Variants in KCNQ5 observed in about 807,000 individuals in gnomAD.
KCNQ5 encodes potassium voltage-gated channel subfamily Q member 5.
In KCNQ5, 30 loss-of-function variants were observed where a neutral mutation model predicts 98.2. The observed-to-expected ratio is 0.31, with a 90% CI of 0.23 to 0.41. The LOEUF (loss-of-function observed/expected upper bound fraction) is 0.41. Among genes scored for constraint, KCNQ5 ranks in the 10% least tolerant of loss-of-function variants. The pLI is 1.00. For synonymous variants in KCNQ5, 458 were observed against 449.4 expected (o/e 1.02, Z -0.24); for missense variants, 835 against 1,182.5 (o/e 0.71, Z 4.31).
chr6:72,964,422 G>GT (rs1193947507), intron 1 of KCNQ5, among the ~76,000 whole-genome samples: 2 of 152,092 alleles, frequency 1.3e-5, no homozygotes, highest in African/African-American at 4.8e-5. Context: ...TTGTAATTCT[G>GT]TTTATTTGTT....
At chr6:72,868,140 A>G (rs1241741885) in intron 1 of KCNQ5, among the ~76,000 whole-genome samples, 1 of 152,058 alleles carries the variant, frequency 6.6e-6, no homozygotes, top group Non-Finnish European at 1.5e-5. Context: ...AAGGAGGTAA[A>G]TGTGGGCTGA....
chr6:73,154,641 T>C (rs1363411587), intron 10 of KCNQ5, among the ~76,000 whole-genome samples: 1 of 152,186 alleles, frequency 6.6e-6, no homozygotes, highest in East Asian at 1.9e-4. Flanking sequence ...AAAGTGGGCT[T>C]ACAGATTGCA....
chr6:73,106,816 T>A (rs1301356545), intron 6 of KCNQ5, among the ~76,000 whole-genome samples: 2 of 152,204 alleles, frequency 1.3e-5, no homozygotes, highest in African/African-American at 4.8e-5. Context: ...GGAGGAAGAA[T>A]TATTGAGCCC....
intron 1 of KCNQ5, among the ~76,000 whole-genome samples, chr6:72,771,073 T>G (rs912194049): frequency 6.6e-6 from 1 of 152,044 alleles, no homozygotes; most frequent in African/African-American, 2.4e-5. Context: ...GTTGCACATA[T>G]AGTGAAGGAG....
chr6:73,186,243 A>G (rs561263258), intron 11 of KCNQ5, among the ~76,000 whole-genome samples: 27 of 152,076 alleles, frequency 1.8e-4, no homozygotes, highest in Non-Finnish European at 3.4e-4. Flanking sequence ...AAAAAAGAGA[A>G]AAAGAAAGAC....
chr6:72,664,493 G>A (rs1269887442), intron 1 of KCNQ5, among the ~76,000 whole-genome samples: 2 of 151,512 alleles, frequency 1.3e-5, no homozygotes, highest in Admixed American at 1.3e-4. Flanking sequence ...GTCTCTACTA[G>A]AAAAAACAAA....
chr6:72,735,035 T>C (rs1385745905), intron 1 of KCNQ5, among the ~76,000 whole-genome samples: 1 of 152,210 alleles, frequency 6.6e-6, no homozygotes, highest in Non-Finnish European at 1.5e-5. Context: ...AGGAAGGCCA[T>C]TGGTTAGAAG....
intron 1 of KCNQ5, among the ~76,000 whole-genome samples, chr6:72,903,397 T>C (rs1332851360): frequency 6.6e-6 from 1 of 152,244 alleles, no homozygotes; most frequent in Admixed American, 6.5e-5. Context: ...TTCTTGTTTC[T>C]CTAGTTCCTT....
intron 1 of KCNQ5, among the ~76,000 whole-genome samples, chr6:72,872,567 G>A (rs1778253731): frequency 6.6e-6 from 1 of 152,056 alleles, no homozygotes; most frequent in African/African-American, 2.4e-5. Flanking sequence ...GCTCTGTTAG[G>A]CAGGTATCGT....
intron 1 of KCNQ5, among the ~76,000 whole-genome samples, chr6:72,831,378 A>C (rs938842351): frequency 1.3e-5 from 2 of 152,200 alleles, no homozygotes; most frequent in Admixed American, 1.3e-4. Context: ...GCACATATAC[A>C]CCATGGAATA....
chr6:72,645,217 A>AC lies in KCNQ5; in HGVS notation c.398+22630_398+22631insC, dbSNP rs960644838. 3.6e-4 allele frequency among the ~76,000 whole-genome samples: 53 copies of AC among 146,766 alleles called. 2 individuals are homozygous for AC. The highest frequency in any genetic ancestry group is 1.2e-3 in the African/African-American group (47 of 39,178). On this transcript the variant is annotated intron_variant, in intron 1 of 13. Transcript: ENST00000370398. ...AGACCTTGTCACCAAAAAAAAACAA[A>AC]AAAAAACAAAAAAAACATAGTAGCT... is the stretch of plus-strand genomic sequence containing the variant.
rs1007016630 is a variant in KCNQ5 at position 73,010,223 on chromosome 6, G to A, written c.489+6225G>A. On this transcript the variant is annotated intron_variant, in intron 2 of 13. Coordinates refer to ENST00000370398, the MANE Select transcript of KCNQ5 (RefSeq NM_019842.4). ...CACACAAAAATTGATCAGTGTTATA[G>A]GCCACATTAACAGAATGAAGGGAAG... 4.6e-5 allele frequency among the ~76,000 whole-genome samples: 7 copies of A among 151,994 alleles called. No homozygotes were observed. In the East Asian group the frequency reaches 1.2e-3, roughly 25 times the overall value.
chr6:73,077,932 G>A, intron 5 of KCNQ5, 45 bp downstream of exon 5: 2 of 1,458,524 alleles, frequency 1.4e-6, no homozygotes, highest in African/African-American at 1.4e-5. Context: ...GTTGTGAATT[G>A]TTTTTTTTTA....
intron 13 of KCNQ5, 150 bp from the exon 14 acceptor site, chr6:73,194,302 T>C (rs534788799): frequency 7.3e-6 from 5 of 686,992 alleles, no homozygotes; most frequent in South Asian, 6.1e-5. Flanking sequence ...AAATGTTACA[T>C]TCACTAAGGG....
chr6:73,059,206 A>G (rs1415096783), intron 3 of KCNQ5, among the ~76,000 whole-genome samples: 1 of 152,252 alleles, frequency 6.6e-6, no homozygotes, highest in Non-Finnish European at 1.5e-5. Context: ...AATGTGGTAC[A>G]TATACACCAT....
At chr6:73,080,500 A>C (rs1286639373) in intron 5 of KCNQ5, among the ~76,000 whole-genome samples, 1 of 152,174 alleles carries the variant, frequency 6.6e-6, no homozygotes, top group Non-Finnish European at 1.5e-5. Flanking sequence ...TATTCATTTT[A>C]AGAAGAACAT....
intron 10 of KCNQ5, among the ~76,000 whole-genome samples, chr6:73,138,330 A>G (rs935233624): frequency 5.3e-5 from 8 of 152,234 alleles, no homozygotes; most frequent in African/African-American, 1.9e-4. Flanking sequence ...AGGTAGAGCT[A>G]GGAGAAAATC....
At chr6:72,798,087 G>A (rs1326356827) in intron 1 of KCNQ5, among the ~76,000 whole-genome samples, 2 of 152,110 alleles carry the variant, frequency 1.3e-5, no homozygotes, top group African/African-American at 4.8e-5. Flanking sequence ...TGAGTGAACT[G>A]GGGTGTAAAT....
At chr6:73,008,224 T>C (rs1049044041) in intron 2 of KCNQ5, among the ~76,000 whole-genome samples, 4 of 151,820 alleles carry the variant, frequency 2.6e-5, no homozygotes, top group African/African-American at 9.7e-5. Context: ...GAAGTATATG[T>C]AAAACAAAGA....
Sources: allele counts gnomAD v4.1 joint callset (sites outside exome capture counted in the v4.1 genomes callset), GRCh38; gene constraint gnomAD v4.1.1; transcripts MANE v1.5; gene names NCBI Gene and HGNC (gene_info 2026-07-23, HGNC 2026-07-21).